The following CNTN6 variants were observed in gnomAD, a reference collection of about 807,000 sequenced individuals.
CNTN6 encodes the protein contactin-6.
In CNTN6, 137 loss-of-function variants were observed where a neutral mutation model predicts 122.8. That is an observed-to-expected ratio of 1.12 (90% CI 0.97 to 1.29). The LOEUF (loss-of-function observed/expected upper bound fraction) is 1.29, where lower values mean the gene tolerates loss of function less well. Ranked by LOEUF, CNTN6 falls within the 50% of genes most tolerant of loss-of-function variation. The probability of loss-of-function intolerance (pLI) is 0.00; values close to 1 mark genes in which losing one functional copy is unlikely to be tolerated. For synonymous variants in CNTN6, 570 were observed against 426.0 expected, an observed-to-expected ratio of 1.34 and a Z score of -4.16; for missense variants, 1,634 against 1,223.4, an observed-to-expected ratio of 1.34 and a Z score of -5.01.
At chr3:1,382,141 A>G (rs1291011333) in intron 17 of CNTN6, among the ~76,000 whole-genome samples, 1 of 152,114 alleles carries the variant, frequency 6.6e-6, no homozygotes, top group Non-Finnish European at 1.5e-5. Context: ...CTTGGGAAAA[A>G]CCAAATAAAT....
chr3:1,254,221 T>G (rs1397892573), intron 4 of CNTN6, among the ~76,000 whole-genome samples: 1 of 152,152 alleles, frequency 6.6e-6, no homozygotes, highest in African/African-American at 2.4e-5. Context: ...GTAACCGCTT[T>G]CCTGAAGTTG....
chr3:1,344,202 G>A (rs1474626604), intron 11 of CNTN6, among the ~76,000 whole-genome samples: 1 of 152,116 alleles, frequency 6.6e-6, no homozygotes, highest in Non-Finnish European at 1.5e-5. Flanking sequence ...AGGAAACAGT[G>A]CTCAGTTCTG....
chr3:1,369,117 G>A (rs913043515), intron 12 of CNTN6, among the ~76,000 whole-genome samples: 1 of 152,098 alleles, frequency 6.6e-6, no homozygotes, highest in Admixed American at 6.6e-5. Flanking sequence ...TCTTGCCTGC[G>A]CAGGAAATCT....
At chr3:1,300,557 A>T (rs965314015) in intron 7 of CNTN6, among the ~76,000 whole-genome samples, 7 of 107,186 alleles carry the variant, frequency 6.5e-5, no homozygotes, top group African/African-American at 1.8e-4. Flanking sequence ...AAGAGAAAGA[A>T]AAAGAAAGAA....
chr3:1,212,632 A>C (rs2094062398), intron 2 of CNTN6, among the ~76,000 whole-genome samples: 1 of 151,910 alleles, frequency 6.6e-6, no homozygotes, highest in Non-Finnish European at 1.5e-5. Flanking sequence ...AAAAATACCA[A>C]CACCATTCTT....
chr3:1,360,306 A>G (rs1006161150), intron 12 of CNTN6, among the ~76,000 whole-genome samples: 10 of 151,998 alleles, frequency 6.6e-5, no homozygotes, highest in East Asian at 1.9e-4. Context: ...GTTTTCTCCA[A>G]TGTTTGACAA....
intron 12 of CNTN6, among the ~76,000 whole-genome samples, chr3:1,367,742 G>C (rs1417460223): frequency 1.3e-5 from 2 of 152,102 alleles, no homozygotes; most frequent in Non-Finnish European, 2.9e-5. Flanking sequence ...GGTAGTCATA[G>C]TCCTGGAGTC....
At chr3:1,321,392 A>G (rs146235363) in intron 7 of CNTN6, among the ~76,000 whole-genome samples, 1 of 148,916 alleles carries the variant, frequency 6.7e-6, no homozygotes, top group Non-Finnish European at 1.5e-5. Flanking sequence ...ACATAAGGGC[A>G]GAGGACATGT....
chr3:1,345,537 TTAAAA>T (rs1704558463), intron 11 of CNTN6, among the ~76,000 whole-genome samples: 1 of 152,208 alleles, frequency 6.6e-6, no homozygotes, highest in Non-Finnish European at 1.5e-5. Flanking sequence ...ATGTGGTTTG[TTAAAA>T]TAAGAAATTT....
chr3:1,115,775 A>G (rs2091695026), intron 1 of CNTN6, among the ~76,000 whole-genome samples: 1 of 152,212 alleles, frequency 6.6e-6, no homozygotes, highest in African/African-American at 2.4e-5. Flanking sequence ...AAATAAACAA[A>G]CAAAAGAACA....
intron 1 of CNTN6, among the ~76,000 whole-genome samples, chr3:1,124,769 A>T (rs1483115956): frequency 6.6e-6 from 1 of 151,826 alleles, no homozygotes; most frequent in Admixed American, 6.6e-5. Context: ...TTATGATTCA[A>T]TTTTCGGCCA....
At chr3:1,219,082 A>G (rs1229244232) in intron 2 of CNTN6, among the ~76,000 whole-genome samples, 1 of 152,262 alleles carries the variant, frequency 6.6e-6, no homozygotes, top group Non-Finnish European at 1.5e-5. Flanking sequence ...TCACACCGAT[A>G]AAACAGATCA....
At chr3:1,236,468 T>C (rs1029168156) in intron 4 of CNTN6, among the ~76,000 whole-genome samples, 1 of 145,306 alleles carries the variant, frequency 6.9e-6, no homozygotes, top group African/African-American at 2.8e-5. Context: ...GGGTGCCAGA[T>C]CCAGAAAAGC....
At chr3:1,147,433 T>C (rs2092746651) in intron 1 of CNTN6, among the ~76,000 whole-genome samples, 1 of 152,126 alleles carries the variant, frequency 6.6e-6, no homozygotes, top group Non-Finnish European at 1.5e-5. Context: ...GATAAGTTTA[T>C]TCTGAGCTTA....
chr3:1,172,338 C>T (rs183141200), intron 2 of CNTN6, among the ~76,000 whole-genome samples: 12 of 152,222 alleles, frequency 7.9e-5, no homozygotes, highest in Non-Finnish European at 1.5e-4. Context: ...TTTTATGTAA[C>T]AGCAGTGTAT....
chr3:1,152,951 A>G (rs2092880729), intron 2 of CNTN6, among the ~76,000 whole-genome samples: 1 of 152,190 alleles, frequency 6.6e-6, no homozygotes, highest in Non-Finnish European at 1.5e-5. Context: ...TTTTCCTGAT[A>G]CTAAATATTC....
At chr3:1,240,751 G>A (rs952750550) in intron 4 of CNTN6, among the ~76,000 whole-genome samples, 4 of 151,824 alleles carry the variant, frequency 2.6e-5, no homozygotes, top group Non-Finnish European at 2.9e-5. Flanking sequence ...ATGTGTGTCC[G>A]TGTGAAGAGA....
intron 12 of CNTN6, among the ~76,000 whole-genome samples, chr3:1,368,985 C>T (rs995760079): frequency 2.0e-5 from 3 of 152,168 alleles, no homozygotes; most frequent in African/African-American, 7.2e-5. Context: ...GGCTATCCTC[C>T]AGCTTCATCT....
intron 4 of CNTN6, among the ~76,000 whole-genome samples, chr3:1,254,053 C>G (rs1221851395): frequency 6.6e-6 from 1 of 152,086 alleles, no homozygotes; most frequent in Non-Finnish European, 1.5e-5. Flanking sequence ...TAAAAAATTT[C>G]AAACATACAG....
Sources: allele counts gnomAD v4.1 joint callset (sites outside exome capture counted in the v4.1 genomes callset), GRCh38; gene constraint gnomAD v4.1.1; transcripts MANE v1.5; gene names NCBI Gene and HGNC (gene_info 2026-07-23, HGNC 2026-07-21).